TLN1: variants seen among roughly 807,000 people sequenced by gnomAD.
TLN1 encodes the protein talin 1, also known as talin-1.
A neutral mutation model predicts 292.3 loss-of-function variants in TLN1; 56 were observed. The observed-to-expected ratio is 0.19, with a 90% CI of 0.15 to 0.24. TLN1 has a LOEUF of 0.24. Ranked by LOEUF, TLN1 falls within the 10% of genes least tolerant of loss-of-function variation. The pLI, the probability that TLN1 is intolerant of heterozygous loss-of-function variation, is 1.00. For missense variants in TLN1, 2,433 were observed against 3,248.2 expected (o/e 0.75, Z 6.10); for synonymous variants, 1,119 against 1,253.7 (o/e 0.89, Z 2.27).
chr9:35,719,551 G>C lies in TLN1; in HGVS notation c.1655C>G (p.Ala552Gly), dbSNP rs145834435. The C allele has an allele frequency of 3.9e-5, 63 of 1,614,078 alleles. No individual in the cohort carries two copies. Among genetic ancestry groups the C allele is most frequent in the Middle Eastern group, 1.6e-4 (1 of 6,072 alleles). ...EIHSQVDAITAGTASVVNLTA... is the reference protein window; with the variant it reads ...EIHSQVDAITGGTASVVNLTA... ...CAGGTTCACCACAGACGCAGTACCAGCTGTGATGGCATCTACCTGAGAGTG... is the reference window on the plus strand; with the variant it reads ...CAGGTTCACCACAGACGCAGTACCACCTGTGATGGCATCTACCTGAGAGTG... The change falls in exon 15 of 57, where the codon GCT becomes GGT. Residue 552 changes from alanine to glycine, a missense_variant. Around this residue, in one of 7 missense-constraint regions of TLN1, gnomAD observed 617 missense variants for 770.6 expected, o/e 0.80. Transcript: ENST00000314888. The surrounding 1 kb of genome is among the most constrained non-coding windows in gnomAD (Gnocchi z 4.6).
chr9:35,722,037 A>G (rs1256620808), intron 9 of TLN1, 82 bp downstream of exon 9: 2 of 1,373,780 alleles, frequency 1.5e-6, no homozygotes, highest in East Asian at 4.6e-5. Flanking sequence ...GATGTGACTG[A>G]GGGCAAGGCC....
At chr9:35,723,605 C>G (rs1199389896) in intron 7 of TLN1, 2 of 250,702 alleles carry the variant, frequency 8.0e-6, no homozygotes, top group East Asian at 2.7e-4. Flanking sequence ...CAAGAAACAC[C>G]AGCAGATGAG....
chr9:35,705,504 T>C (rs1162099317), intron 43 of TLN1, 47 bp downstream of exon 43: 1 of 1,526,192 alleles, frequency 6.6e-7, no homozygotes, highest in Admixed American at 2.0e-5. Flanking sequence ...CACTGACACA[T>C]CAGGAACAAG....
chr9:35,698,544 C>A lies in TLN1; in HGVS notation c.7189-39G>T. 6.2e-7 allele frequency: 1 copy of A among 1,613,858 alleles called. No homozygotes were observed. Among genetic ancestry groups the A allele is most frequent in the Non-Finnish European group, 8.5e-7 (1 of 1,179,966 alleles). ...AGTTTGCTTAAAAATATGCCCCTTGCCCTGGTCCATCCCCACTCCAGCCTT... is the reference window on the plus strand; with the variant it reads ...AGTTTGCTTAAAAATATGCCCCTTGACCTGGTCCATCCCCACTCCAGCCTT... On this transcript the variant is annotated intron_variant, in intron 54 of 56. Coordinates refer to ENST00000314888, the MANE Select transcript of TLN1 (RefSeq NM_006289.4). The surrounding 1 kb of genome is among the most constrained non-coding windows in gnomAD (Gnocchi z 5.3).
At position 35,704,128 on chromosome 9, in the gene TLN1, C is replaced by T; in HGVS notation, c.6094G>A (p.Val2032Ile). Residue 2032 changes from valine (V) to isoleucine (I), a missense_variant, in exon 46 of 57, where the codon GTC (valine) becomes ATC (isoleucine). Transcript: ENST00000314888. The surrounding 1 kb of genome is among the most constrained non-coding windows in gnomAD (Gnocchi z 6.9). ...TAKVLVEDTK[V>I]LVQNAAGSQE... ...CTCCCAGCTGCGTTTTGCACCAGGA[C>T]CTTGGTGTCCTCCACCAGCACCTTC... 2 of 1,612,174 alleles carry T rather than the reference C, an allele frequency of 1.2e-6. No homozygotes were observed. The highest frequency in any genetic ancestry group is 2.2e-5 in the East Asian group (1 of 44,844).
Position 35,714,012 on chromosome 9 carries a change from G to T in TLN1, c.3190C>A (p.Leu1064Ile). 6.2e-7 allele frequency: 1 copy of T among 1,614,160 alleles called. No homozygotes were observed. The highest frequency in any genetic ancestry group is 1.3e-5 in the African/African-American group (1 of 75,042). The change falls in exon 25 of 57, where the codon CTA (leucine) becomes ATA (isoleucine). Residue 1064 changes from leucine to isoleucine, a missense_variant. By Grantham distance (5) the Leu-to-Ile change is conservative. This residue lies in a region of TLN1 where 1,384 missense variants were observed against 1,699.6 expected (regional missense o/e 0.81). Transcript: ENST00000314888. The surrounding 1 kb of genome is among the most constrained non-coding windows in gnomAD (Gnocchi z 4.6). The part of the protein sequence containing the change: ...LSVVQNLEKD[L>I]QEVKAAARDG... ...CGAGCTGCTGCCTTCACTTCCTGTA[G>T]ATCTTTCTCTAGATTCTGTACCACA... is the stretch of plus-strand genomic sequence containing the variant.
chr9:35,725,018 T>C (rs1825944543), intron 3 of TLN1, 59 bp from the exon 4 acceptor site: 3 of 1,610,216 alleles, frequency 1.9e-6, no homozygotes, highest in Middle Eastern at 2.0e-4. Context: ...TTATTTCCTC[T>C]TTACACAGCC....
chr9:35,716,693 T>C (rs976038462), intron 19 of TLN1, 137 bp from the exon 20 acceptor site: 64 of 921,722 alleles, frequency 6.9e-5, no homozygotes, highest in Non-Finnish European at 9.6e-5. Flanking sequence ...GCAAAAGCTC[T>C]TGCATCATTT....
In TLN1 at chr9:35,720,204, C is replaced by T. The variant is rs775398835; in HGVS notation, c.1299G>A (p.Gln433=). ...SVSPKKSTVL[Q]QQYNRVGKVE... ...CTTTCCCCACCCGGTTGTATTGCTG[C>T]TGCAGGACTGTTGACCTGTAGAGGG... The change falls in exon 13 of 57, where the codon CAG becomes CAA. Residue 433 remains glutamine (Q), a synonymous_variant. Coordinates refer to ENST00000314888, the MANE Select transcript of TLN1 (RefSeq NM_006289.4). 9 of 1,594,704 alleles carry T rather than the reference C, an allele frequency of 5.6e-6. No individual in the cohort carries two copies. The East Asian group carries it at 8.9e-5, about 16-fold the overall frequency.
chr9:35,718,126 G>C (rs1587986572), intron 17 of TLN1, among the ~76,000 whole-genome samples: 1 of 152,334 alleles, frequency 6.6e-6, no homozygotes, highest in African/African-American at 2.4e-5. Context: ...TCCACCCCCA[G>C]CTTCTTTACT....
chr9:35,720,372 T>TA, intron 12 of TLN1, 61 bp downstream of exon 12: 1 of 1,591,172 alleles, frequency 6.3e-7, no homozygotes, highest in Non-Finnish European at 8.6e-7. Flanking sequence ...CAAGAGTCCT[T>TA]AGAGTCAGGC....
At position 35,705,784 on chromosome 9, in the gene TLN1, G is replaced by C; in HGVS notation, c.5579C>G (p.Thr1860Arg). Reference sequence around the variant, plus strand: ...AACGGTCACTGCAATGGCCTTGGCTGTCCGCACCATAGTTGTTTGGTAATC... The same window carrying C: ...AACGGTCACTGCAATGGCCTTGGCTCTCCGCACCATAGTTGTTTGGTAATC... ...FVDYQTTMVR[T>R]AKAIAVTVQE... Residue 1860 changes from threonine to arginine, a missense_variant, in exon 42 of 57, where the codon ACA becomes AGA. Physicochemically the swap from Thr to Arg is moderately conservative, Grantham distance 71. Around this residue, in one of 7 missense-constraint regions of TLN1, gnomAD observed 1,384 missense variants for 1,699.6 expected, o/e 0.81. Transcript: ENST00000314888. 1 of 1,614,226 alleles carries C rather than the reference G, an allele frequency of 6.2e-7. No individual in the cohort carries two copies. Among genetic ancestry groups the C allele is most frequent in the Non-Finnish European group, 8.5e-7 (1 of 1,180,040 alleles).
At chr9:35,709,886 CAAAA>C (rs546437173) in intron 33 of TLN1, among the ~76,000 whole-genome samples, 1 of 12,846 alleles carries the variant, frequency 7.8e-5, no homozygotes, top group Non-Finnish European at 1.5e-4. Flanking sequence ...AACTCGGTCT[CAAAA>C]AAAAAAAAAA....
At chr9:35,720,676 A>C in intron 11 of TLN1, 136 bp downstream of exon 11, 1 of 977,884 alleles carries the variant, frequency 1.0e-6, no homozygotes, top group East Asian at 2.5e-5. Flanking sequence ...CCCAGGCTGG[A>C]GTGCAGAGGC....
chr9:35,722,210 C>A lies in TLN1; in HGVS notation c.857G>T (p.Cys286Phe), dbSNP rs1825888634. The change falls in exon 9 of 57, where the codon TGT becomes TTT. Residue 286 changes from cysteine (C) to phenylalanine (F), a missense_variant. Physicochemically the swap from Cys to Phe is radical, Grantham distance 205 (BLOSUM62 -2). Coordinates refer to ENST00000314888, the MANE Select transcript of TLN1 (RefSeq NM_006289.4). The part of the protein sequence containing the change: ...ERKIFQAHKN[C>F]GQMSEIEAKV... ...GGCCTCAATCTCACTCATCTGCCCA[C>A]AATTCTTGTGTGCCTGTGCATAAAA... The A allele has an allele frequency of 6.2e-7, 1 of 1,614,060 alleles. No homozygotes were observed.
chr9:35,725,073 G>A (rs762324021), intron 3 of TLN1, 114 bp from the exon 4 acceptor site: 77 of 1,564,550 alleles, frequency 4.9e-5, no homozygotes, highest in East Asian at 6.7e-5. Flanking sequence ...ATGGTGGTTC[G>A]TTCAAAAGCA....
intron 3 of TLN1, 37 bp downstream of exon 3, chr9:35,725,187 A>G: frequency 2.5e-6 from 4 of 1,606,970 alleles, no homozygotes; most frequent in East Asian, 4.5e-5. Context: ...AAGCTGATGG[A>G]AGGGGATGTG....
Position 35,720,226 on chromosome 9 carries a change from A to T in TLN1, c.1284-7T>A. ...CTGCTGCAGGACTGTTGACCTGTAG[A>T]GGGGTGAACTATTGAGCTCACAGAG... On this transcript the variant is annotated splice_region_variant and splice_polypyrimidine_tract_variant and intron_variant, in intron 12 of 56. Coordinates refer to ENST00000314888, the MANE Select transcript of TLN1 (RefSeq NM_006289.4). 1 of 1,573,692 alleles carries T rather than the reference A, an allele frequency of 6.4e-7. No individual in the cohort carries two copies. Among genetic ancestry groups the T allele is most frequent in the South Asian group, 1.2e-5 (1 of 84,262 alleles).
chr9:35,699,708 G>A lies in TLN1; in HGVS notation c.6769-247C>T, dbSNP rs912442212. Reference sequence around the variant, plus strand: ...AGAATGATGAGATGAAAGAGGAGACGACGAAAGTAGAGAAGGGGGTGGTCA... The same window carrying A: ...AGAATGATGAGATGAAAGAGGAGACAACGAAAGTAGAGAAGGGGGTGGTCA... On this transcript the variant is annotated intron_variant, in intron 50 of 56. Coordinates refer to ENST00000314888, the MANE Select transcript of TLN1 (RefSeq NM_006289.4). This position sits in a 1 kb window ranked among gnomAD's most constrained non-coding sequence, Gnocchi z 4.0. 6 of 985,082 alleles carry A rather than the reference G, an allele frequency of 6.1e-6. No individual in the cohort carries two copies. The highest frequency in any genetic ancestry group is 6.2e-5 in the Admixed American group (1 of 16,252). The allele number at this position is 985,082 out of a possible 1,614,324, so 61.0% of individuals were successfully genotyped here. A position where few individuals can be genotyped will look rare whatever the true frequency, so the allele number is the denominator to read the frequency against.
Sources: allele counts gnomAD v4.1 joint callset (sites outside exome capture counted in the v4.1 genomes callset), GRCh38; gene constraint gnomAD v4.1.1; regional missense constraint gnomAD v4.1.1; non-coding constraint Gnocchi (gnomAD v3.1); transcripts MANE v1.5; gene names NCBI Gene and HGNC (gene_info 2026-07-23, HGNC 2026-07-21).